Variants in SMIM27 observed in about 807,000 individuals in gnomAD.
SMIM27 encodes the protein transition zone microprotein 1.
A neutral mutation model predicts 1.8 loss-of-function variants in SMIM27; 3 were observed. The observed-to-expected ratio is 1.65, with a 90% confidence interval of 0.75 to 4.28. The LOEUF is 4.28. Among genes scored for constraint, SMIM27 ranks in the 30% most tolerant of loss-of-function variants. SMIM27 has a pLI of 0.02. For missense variants in SMIM27, 63 were observed against 37.0 expected (o/e 1.70, Z -1.83); for synonymous variants, 19 against 13.9 (o/e 1.37, Z -0.82).
At chr9:32,552,045 G>A (rs902556214), upstream of SMIM27, among the ~76,000 whole-genome samples, 7 of 151,946 alleles carry the variant, frequency 4.6e-5, no homozygotes, top group African/African-American at 1.7e-4. Flanking sequence ...AGAGCCAGAC[G>A]TAATATTTAA....
intron 1 of SMIM27, among the ~76,000 whole-genome samples, chr9:32,561,266 A>G (rs1587642092): frequency 6.6e-6 from 1 of 152,100 alleles, no homozygotes; most frequent in Non-Finnish European, 1.5e-5. Flanking sequence ...AAGACAGGCC[A>G]TGTCCACTTG....
At chr9:32,559,784 C>T (rs1030986485) in intron 1 of SMIM27, among the ~76,000 whole-genome samples, 3 of 152,018 alleles carry the variant, frequency 2.0e-5, no homozygotes, top group Non-Finnish European at 4.4e-5. Context: ...CATTAATATA[C>T]CTCTTTGTTT....
chr9:32,551,728 T>G (rs898759801), upstream of SMIM27: 9 of 422,330 alleles, frequency 2.1e-5, no homozygotes, highest in South Asian at 6.5e-5. Flanking sequence ...TGCTCGGGGC[T>G]TAGTATCTCA....
chr9:32,553,194 G>T (rs562489918), downstream of SMIM27: 307 of 301,442 alleles, frequency 1.0e-3, 3 homozygotes, highest in African/African-American at 4.8e-3. Context: ...AAATGATTCG[G>T]AAAGCTTTTT....
At chr9:32,559,397 A>G in intron 1 of SMIM27, among the ~76,000 whole-genome samples, 1 of 152,228 alleles carries the variant, frequency 6.6e-6, no homozygotes, top group East Asian at 1.9e-4. Context: ...CCTCCTATGC[A>G]AATGAAAAGT....
exon 2 of SMIM27, chr9:32,566,428 C>A: frequency 1.2e-6 from 1 of 847,208 alleles, no homozygotes; most frequent in African/African-American, 1.7e-5. Flanking sequence ...CTCCCTGTTA[C>A]TGTAGGGGTT....
upstream of SMIM27, chr9:32,551,634 C>A: frequency 3.8e-6 from 1 of 266,238 alleles, no homozygotes; most frequent in Non-Finnish European, 8.1e-6. Flanking sequence ...CGGCCCGTTG[C>A]CAGATTCTAC....
At chr9:32,551,187 A>G (rs1821248946), upstream of SMIM27, 2 of 624,258 alleles carry the variant, frequency 3.2e-6, no homozygotes, top group Non-Finnish European at 5.7e-6. Context: ...GACCCTCCCC[A>G]TCTTGTTACT....
chr9:32,560,690 T>G (rs1362176915), intron 1 of SMIM27, among the ~76,000 whole-genome samples: 2 of 152,184 alleles, frequency 1.3e-5, no homozygotes, highest in African/African-American at 2.4e-5. Context: ...ACACACAAAA[T>G]GTATAAATAC....
chr9:32,552,816 G>A lies in SMIM27; in HGVS notation c.61G>A (p.Val21Ile), dbSNP rs1426179021. Residue 21 changes from valine (V) to isoleucine (I), a missense_variant, in exon 2 of 2, where the codon GTT becomes ATT. Val to Ile is a conservative substitution (Grantham distance 29). Transcript: ENST00000692500. Reference sequence around the variant, plus strand: ...TTTGGTTTAGTTGCTGCTTGCCATCGTTTTAATCTCCTGGGGCTGCATCAT... The same window carrying A: ...TTTGGTTTAGTTGCTGCTTGCCATCATTTTAATCTCCTGGGGCTGCATCAT... Reference protein sequence around the residue: ...WIYSVLLLAIVLISWGCIIYA... With the variant: ...WIYSVLLLAIILISWGCIIYA... 2 of 702,072 alleles carry A rather than the reference G, an allele frequency of 2.8e-6. No individual in the cohort carries two copies. The highest frequency in any genetic ancestry group is 5.2e-6 in the Non-Finnish European group (2 of 384,702). 43.5% of individuals were successfully genotyped at this position (702,072 alleles called of 1,614,324 possible).
upstream of SMIM27, chr9:32,551,773 C>A (rs1283015916): frequency 6.6e-6 from 3 of 451,316 alleles, no homozygotes; most frequent in Non-Finnish European, 8.9e-6. Flanking sequence ...ACACGCTCAA[C>A]AAACACTTGT....
chr9:32,552,182 A>C (rs961748317), upstream of SMIM27: 11 of 597,198 alleles, frequency 1.8e-5, no homozygotes, highest in African/African-American at 2.1e-4. Context: ...GGCAAAAAAA[A>C]AAAAAAAAAA....
At chr9:32,560,600 T>A (rs1821598166) in intron 1 of SMIM27, among the ~76,000 whole-genome samples, 1 of 152,234 alleles carries the variant, frequency 6.6e-6, no homozygotes, top group South Asian at 2.1e-4. Flanking sequence ...AAATGCATAA[T>A]TGATTTGTGA....
At chr9:32,562,851 C>T (rs1246030485) in intron 1 of SMIM27, among the ~76,000 whole-genome samples, 2 of 152,178 alleles carry the variant, frequency 1.3e-5, no homozygotes, top group Non-Finnish European at 2.9e-5. Flanking sequence ...TGTGCAGGCT[C>T]TTTAAAATTC....
chr9:32,552,191 AAGC>A, upstream of SMIM27: 2 of 598,980 alleles, frequency 3.3e-6, no homozygotes, highest in African/African-American at 1.9e-5. Context: ...AAAAAAAAAA[AAGC>A]AATTTTTAAC....
intron 1 of SMIM27, chr9:32,566,043 G>GT (rs1283058090): frequency 1.1e-5 from 4 of 359,934 alleles, no homozygotes; most frequent in East Asian, 4.9e-5. Context: ...ATTTTTTAAG[G>GT]TTTTTTCCAG....
intron 1 of SMIM27, chr9:32,566,257 C>CT (rs1217374480): frequency 4.6e-6 from 5 of 1,077,530 alleles, no homozygotes; most frequent in Non-Finnish European, 2.9e-6. Context: ...GCAGACAACA[C>CT]TAATTTTAGG....
At chr9:32,564,665 T>A (rs761767571) in intron 1 of SMIM27, among the ~76,000 whole-genome samples, 1 of 152,184 alleles carries the variant, frequency 6.6e-6, no homozygotes, top group Non-Finnish European at 1.5e-5. Context: ...AGATCAGCGT[T>A]TCCTTCCAGA....
chr9:32,554,950 T>G (rs567829347), downstream of SMIM27, among the ~76,000 whole-genome samples: 2 of 152,332 alleles, frequency 1.3e-5, no homozygotes, highest in South Asian at 4.1e-4. Flanking sequence ...AGTATGTGTT[T>G]GGATCCTTGG....
Sources: gnomAD v4.1 joint callset for allele counts (sites outside exome capture counted in the v4.1 genomes callset) on GRCh38, gnomAD v4.1.1 for gene constraint, MANE v1.5 for transcripts, NCBI Gene and HGNC (gene_info 2026-07-23, HGNC 2026-07-21) for gene names.